The following DLGAP1 variants were observed in gnomAD, a reference collection of about 807,000 sequenced individuals.
DLGAP1 encodes DLG associated protein 1.
A neutral mutation model predicts 90.8 loss-of-function variants in DLGAP1; 11 were observed. The ratio of observed to expected loss-of-function variants is 0.12; its 90% CI spans 0.08 to 0.20. DLGAP1 has a LOEUF of 0.20. Among genes scored for constraint, DLGAP1 ranks in the 10% least tolerant of loss-of-function variants. The pLI is 1.00. For synonymous variants in DLGAP1, 558 were observed against 540.7 expected, an observed-to-expected ratio of 1.03 and a Z score of -0.44; for missense variants, 1,050 against 1,333.8, an observed-to-expected ratio of 0.79 and a Z score of 3.31.
chr18:3,770,858 T>A (rs1410413661), intron 5 of DLGAP1: 3 of 152,220 alleles, frequency 2.0e-5, no homozygotes, highest in Non-Finnish European at 4.4e-5. Flanking sequence ...GTACTGTTGG[T>A]GGTCAAAAGC....
At chr18:3,925,900 T>C (rs980424057) in intron 3 of DLGAP1, among the ~76,000 whole-genome samples, 8 of 152,088 alleles carry the variant, frequency 5.3e-5, no homozygotes, top group Non-Finnish European at 8.8e-5. Flanking sequence ...AAAATCCCAT[T>C]TTATCACACT....
chr18:4,401,288 G>A (rs569756083), intron 1 of DLGAP1, among the ~76,000 whole-genome samples: 2 of 152,316 alleles, frequency 1.3e-5, no homozygotes, highest in East Asian at 3.9e-4. Flanking sequence ...GATGAAAGGT[G>A]TGAAAGAAGC....
chr18:3,702,109 T>A (rs1409103749), intron 7 of DLGAP1, among the ~76,000 whole-genome samples: 1 of 152,192 alleles, frequency 6.6e-6, no homozygotes, highest in Non-Finnish European at 1.5e-5. Flanking sequence ...TGGAGGGCAA[T>A]GGCACAATCT....
intron 1 of DLGAP1, among the ~76,000 whole-genome samples, chr18:4,166,891 G>A (rs1006875416): frequency 6.6e-6 from 1 of 152,186 alleles, no homozygotes; most frequent in Non-Finnish European, 1.5e-5. Flanking sequence ...AGGAGGAAAT[G>A]TTCTTGCTTG....
chr18:4,166,894 C>T (rs1430422840), intron 1 of DLGAP1, among the ~76,000 whole-genome samples: 1 of 152,160 alleles, frequency 6.6e-6, no homozygotes, highest in Non-Finnish European at 1.5e-5. Flanking sequence ...AGGAAATGTT[C>T]TTGCTTGTTG....
chr18:3,905,981 T>C (rs887522590), intron 3 of DLGAP1, among the ~76,000 whole-genome samples: 2 of 152,212 alleles, frequency 1.3e-5, no homozygotes, highest in African/African-American at 4.8e-5. Flanking sequence ...TTGAAATGAC[T>C]GCTATGACTG....
At chr18:3,551,760 CTT>C (rs2053487358) in intron 9 of DLGAP1, among the ~76,000 whole-genome samples, 1 of 88,866 alleles carries the variant, frequency 1.1e-5, no homozygotes, top group Non-Finnish European at 2.1e-5. Context: ...TCCTTCCTTC[CTT>C]CCTTCCTTCT....
chr18:3,888,296 C>T (rs897970569), intron 3 of DLGAP1, among the ~76,000 whole-genome samples: 2 of 151,906 alleles, frequency 1.3e-5, no homozygotes, highest in Admixed American at 6.5e-5. Flanking sequence ...GATTTTCATG[C>T]GTTGTGTGCT....
At chr18:4,033,341 T>C (rs2074830250) in intron 2 of DLGAP1, among the ~76,000 whole-genome samples, 1 of 151,992 alleles carries the variant, frequency 6.6e-6, no homozygotes, top group Admixed American at 6.6e-5. Context: ...TTTTAGGAAA[T>C]ATAAATTACT....
At chr18:3,926,988 A>G (rs1252040746) in intron 3 of DLGAP1, among the ~76,000 whole-genome samples, 1 of 152,194 alleles carries the variant, frequency 6.6e-6, no homozygotes, top group Non-Finnish European at 1.5e-5. Flanking sequence ...CTGTCACCAA[A>G]TCTGGGGCAG....
intron 2 of DLGAP1, among the ~76,000 whole-genome samples, chr18:4,047,987 C>T (rs1272806700): frequency 2.6e-5 from 4 of 151,908 alleles, no homozygotes; most frequent in African/African-American, 2.4e-5. Flanking sequence ...TTTGTAGAGA[C>T]GGGGTCTCAC....
intron 3 of DLGAP1, among the ~76,000 whole-genome samples, chr18:3,977,432 G>GTTTT (rs1467413382): frequency 4.4e-4 from 23 of 52,752 alleles, no homozygotes; most frequent in African/African-American, 1.8e-3. Flanking sequence ...TGTTTATTCT[G>GTTTT]TGTTTTTTTT....
intron 2 of DLGAP1, among the ~76,000 whole-genome samples, chr18:4,115,497 T>TCTTTCTTTCTTTTTTC (rs2076048318): frequency 7.1e-6 from 1 of 140,622 alleles, no homozygotes; most frequent in African/African-American, 3.3e-5. Flanking sequence ...TTTCTTTCTT[T>TCTTTCTTTCTTTTTTC]TTTTTTGAGA....
At chr18:4,277,100 G>A (rs2079434323) in intron 1 of DLGAP1, among the ~76,000 whole-genome samples, 1 of 152,162 alleles carries the variant, frequency 6.6e-6, no homozygotes, top group South Asian at 2.1e-4. Flanking sequence ...ACAGTGGGAG[G>A]CTTTTTTCCC....
At chr18:4,165,374 G>A (rs536741598) in intron 1 of DLGAP1, among the ~76,000 whole-genome samples, 1 of 152,266 alleles carries the variant, frequency 6.6e-6, no homozygotes, top group East Asian at 1.9e-4. Flanking sequence ...TCTACATTCA[G>A]CAAAACTGTC....
intron 7 of DLGAP1, among the ~76,000 whole-genome samples, chr18:3,636,399 C>G (rs1047942227): frequency 4.0e-5 from 6 of 151,544 alleles, no homozygotes; most frequent in African/African-American, 1.5e-4. Flanking sequence ...TTCAATTATA[C>G]TTTTGTATAT....
intron 4 of DLGAP1, among the ~76,000 whole-genome samples, chr18:3,825,721 G>A (rs1045515789): frequency 2.6e-5 from 4 of 152,032 alleles, no homozygotes; most frequent in Admixed American, 6.6e-5. Flanking sequence ...AAAAATCTCC[G>A]TTCCTCAAAG....
intron 2 of DLGAP1, among the ~76,000 whole-genome samples, chr18:4,100,622 C>T (rs940120952): frequency 2.0e-5 from 3 of 152,198 alleles, no homozygotes; most frequent in African/African-American, 7.2e-5. Context: ...TGACTTCTCC[C>T]CTTTAGCTCT....
chr18:4,258,860 T>C (rs1174462957), intron 1 of DLGAP1, among the ~76,000 whole-genome samples: 1 of 152,128 alleles, frequency 6.6e-6, no homozygotes, highest in African/African-American at 2.4e-5. Flanking sequence ...TGCATGATCT[T>C]AAATCTTGTG....
Sources: allele counts gnomAD v4.1 joint callset (sites outside exome capture counted in the v4.1 genomes callset), GRCh38; gene constraint gnomAD v4.1.1; transcripts MANE v1.5; gene names NCBI Gene and HGNC (gene_info 2026-07-23, HGNC 2026-07-21).